Variants in RPTOR observed in about 807,000 individuals in gnomAD.
The protein encoded by RPTOR is regulatory associated protein of MTOR complex 1, also known as regulatory-associated protein of mTOR.
A neutral mutation model predicts 169.9 loss-of-function variants in RPTOR; 21 were observed. That is an observed-to-expected ratio of 0.12 (90% CI 0.09 to 0.18). RPTOR has a LOEUF of 0.18. Ranked by LOEUF, RPTOR falls within the 10% of genes least tolerant of loss-of-function variation. The pLI is 1.00. For missense variants in RPTOR, 1,133 were observed against 1,855.9 expected (o/e 0.61, Z 7.16); for synonymous variants, 732 against 753.2 (o/e 0.97, Z 0.46).
chr17:80,836,443 G>C (rs1308600944), intron 9 of RPTOR, among the ~76,000 whole-genome samples: 1 of 152,222 alleles, frequency 6.6e-6, no homozygotes, highest in Non-Finnish European at 1.5e-5. Context: ...TCAGCGTGTG[G>C]CTCTGCGGCC....
At chr17:80,639,317 C>A (rs535830818) in intron 2 of RPTOR, among the ~76,000 whole-genome samples, 1 of 151,450 alleles carries the variant, frequency 6.6e-6, no homozygotes, top group Admixed American at 6.6e-5. Context: ...GCTAAATACA[C>A]GGTACAAAGA....
At chr17:80,884,887 G>C (rs1367875072) in intron 16 of RPTOR, 121 bp from the exon 17 acceptor site, 28 of 1,315,512 alleles carry the variant, frequency 2.1e-5, no homozygotes, top group Non-Finnish European at 2.9e-5. Context: ...CCTTGGGCCT[G>C]GAGAGCTGTT....
chr17:80,873,497 G>A (rs542351307), intron 13 of RPTOR, among the ~76,000 whole-genome samples: 1 of 152,318 alleles, frequency 6.6e-6, no homozygotes, highest in East Asian at 1.9e-4. Flanking sequence ...GAAGGTGGAG[G>A]GTGGAAATGG....
chr17:80,595,286 T>C (rs1417959429), intron 1 of RPTOR, among the ~76,000 whole-genome samples: 1 of 152,206 alleles, frequency 6.6e-6, no homozygotes, highest in Non-Finnish European at 1.5e-5. Context: ...GCTCCAGCTT[T>C]TTTCTTAAAC....
intron 3 of RPTOR, among the ~76,000 whole-genome samples, chr17:80,680,707 T>A (rs1414639222): frequency 6.6e-6 from 1 of 151,726 alleles, no homozygotes; most frequent in African/African-American, 2.4e-5. Flanking sequence ...GATAAATTGT[T>A]AGATCAGCCA....
At chr17:80,922,626 T>C in intron 21 of RPTOR, 98 bp from the exon 22 acceptor site, 1 of 995,162 alleles carries the variant, frequency 1.0e-6, no homozygotes, top group South Asian at 1.4e-5. Context: ...GCCTTTTCTG[T>C]GATTCTGAAG....
intron 5 of RPTOR, among the ~76,000 whole-genome samples, chr17:80,739,075 G>A (rs1009601173): frequency 1.1e-5 from 1 of 94,512 alleles, no homozygotes; most frequent in African/African-American, 4.2e-5. Context: ...ACCATGGGTT[G>A]CAGACTGGGG....
chr17:80,734,383 A>T (rs2066417853), intron 5 of RPTOR, among the ~76,000 whole-genome samples: 1 of 152,098 alleles, frequency 6.6e-6, no homozygotes, highest in African/African-American at 2.4e-5. Context: ...TCTAGATCCC[A>T]CTTCTTCCCC....
intron 3 of RPTOR, among the ~76,000 whole-genome samples, chr17:80,667,564 A>C (rs150750009): frequency 2.0e-5 from 3 of 152,230 alleles, no homozygotes; most frequent in Admixed American, 6.5e-5. Flanking sequence ...TGCATAATTT[A>C]TCTTCCCATT....
intron 6 of RPTOR, among the ~76,000 whole-genome samples, chr17:80,787,393 GC>G (rs1353310888): frequency 6.6e-6 from 1 of 152,160 alleles, no homozygotes; most frequent in Non-Finnish European, 1.5e-5. Flanking sequence ...GGACACTTGA[GC>G]TTTTTCAGCT....
In RPTOR at chr17:80,791,428, A is replaced by G. The variant is rs868681742; in HGVS notation, c.831-22A>G. On this transcript the variant is annotated intron_variant, in intron 6 of 33. Coordinates refer to ENST00000306801, the MANE Select transcript of RPTOR (RefSeq NM_020761.3). The stretch of plus-strand genomic sequence containing the variant: ...GGTGACTGTTCCATTCATGCCGTTC[A>G]CATTCTTTTCTTTCTCTGCAGGTTT... The G allele has an allele frequency of 9.3e-6, 15 of 1,611,330 alleles. 1 individual carries two copies. The highest frequency in any genetic ancestry group is 3.3e-4 in the Middle Eastern group (2 of 6,052).
intron 5 of RPTOR, among the ~76,000 whole-genome samples, chr17:80,744,241 TTACTAGCACTGTCCTGGC>T (rs1567888388): frequency 2.5e-4 from 2 of 8,024 alleles, no homozygotes; most frequent in African/African-American, 3.6e-4. Context: ...ACAGCCCTGG[TTACTAGCACTGTCCTGGC>T]TACTAGCACA....
chr17:80,914,453 C>T (rs777756614), intron 21 of RPTOR, among the ~76,000 whole-genome samples: 58 of 152,200 alleles, frequency 3.8e-4, no homozygotes, highest in Non-Finnish European at 7.5e-4. Flanking sequence ...GGAGCTCCAC[C>T]CTCCCAGGTG....
At chr17:80,862,463 T>A (rs2067927949) in intron 13 of RPTOR, among the ~76,000 whole-genome samples, 1 of 151,690 alleles carries the variant, frequency 6.6e-6, no homozygotes. Context: ...GTCCTCCGGA[T>A]CTCCACCCCT....
At chr17:80,761,285 T>C (rs955798856) in intron 6 of RPTOR, among the ~76,000 whole-genome samples, 1 of 152,270 alleles carries the variant, frequency 6.6e-6, no homozygotes, top group Non-Finnish European at 1.5e-5. Flanking sequence ...TCTATTGCAC[T>C]GTGCTGCATG....
chr17:80,836,207 G>C (rs2067562216), intron 9 of RPTOR, among the ~76,000 whole-genome samples: 1 of 152,240 alleles, frequency 6.6e-6, no homozygotes, highest in African/African-American at 2.4e-5. Context: ...GGAGCTAGTG[G>C]GTAGCAGAGC....
intron 3 of RPTOR, among the ~76,000 whole-genome samples, chr17:80,700,808 GTGGTGA>G (rs1320813599): frequency 6.9e-4 from 53 of 76,748 alleles, no homozygotes; most frequent in Admixed American, 1.7e-3. Context: ...GATGATGATG[GTGGTGA>G]TGGTGATGGT....
In RPTOR at chr17:80,816,922, C is replaced by T. The variant is rs150576649; in HGVS notation, c.891-5279C>T. On this transcript the variant is annotated intron_variant, in intron 7 of 33. Coordinates refer to ENST00000306801, the MANE Select transcript of RPTOR (RefSeq NM_020761.3). ...CCCATCCCTGGTCCTCCCATTCCTG[C>T]GAGGCGGCTGCGGGGTCTGGGTCTG... Among the ~76,000 whole-genome samples the T allele has an allele frequency of 9.8e-3, 1,487 of 152,332 alleles. 27 individuals are homozygous for T. Among genetic ancestry groups the T allele is most frequent in the African/African-American group, 0.034 (1,427 of 41,562 alleles).
Position 80,545,575 on chromosome 17 carries a change from G to A in RPTOR, c.-55G>A, listed in dbSNP as rs1461745144. On this transcript the variant is annotated 5_prime_UTR_variant, in exon 1 of 34. Transcript: ENST00000306801. ...ATTCTGGTACACGCTAGTTTTTAAG[G>A]CTGGAGGTTCTCGAGCGCTTGCTGC... 1.4e-6 allele frequency: 2 copies of A among 1,391,736 alleles called. No homozygotes were observed. The highest frequency in any genetic ancestry group is 2.0e-6 in the Non-Finnish European group (2 of 1,009,214). 86.2% of individuals were successfully genotyped at this position (1,391,736 alleles called of 1,614,324 possible).
Sources: allele counts gnomAD v4.1 joint callset (sites outside exome capture counted in the v4.1 genomes callset), GRCh38; gene constraint gnomAD v4.1.1; transcripts MANE v1.5; gene names NCBI Gene and HGNC (gene_info 2026-07-23, HGNC 2026-07-21).